CLDN14: variants seen among roughly 807,000 people sequenced by gnomAD.
CLDN14 encodes the protein claudin-14.
A neutral mutation model predicts 2.1 loss-of-function variants in CLDN14; 2 were observed. The ratio of observed to expected loss-of-function variants is 0.96; its 90% CI spans 0.39 to 3.01. The LOEUF (loss-of-function observed/expected upper bound fraction) is 3.01. Ranked by LOEUF, CLDN14 falls within the 30% of genes most tolerant of loss-of-function variation. CLDN14 has a pLI of 0.09. For synonymous variants in CLDN14, 136 were observed against 154.4 expected (o/e 0.88, Z 0.88); for missense variants, 298 against 328.0 (o/e 0.91, Z 0.71).
chr21:36,492,520 T>G (rs1454723267), intron 2 of CLDN14, among the ~76,000 whole-genome samples: 1 of 150,926 alleles, frequency 6.6e-6, no homozygotes, highest in African/African-American at 2.4e-5. Context: ...TCCCAGCTAC[T>G]TGGGAGGCTG....
chr21:36,513,131 C>T (rs1300531322), intron 1 of CLDN14, among the ~76,000 whole-genome samples: 3 of 152,172 alleles, frequency 2.0e-5, no homozygotes, highest in African/African-American at 7.2e-5. Context: ...ATGGTGGTCC[C>T]ATCCCATCCC....
chr21:36,544,259 G>T lies in CLDN14; in HGVS notation c.-220+32152C>A, dbSNP rs988274481. 4.6e-5 allele frequency among the ~76,000 whole-genome samples: 7 copies of T among 152,248 alleles called. No individual in the cohort carries two copies. Among genetic ancestry groups the T allele is most frequent in the Non-Finnish European group, 8.8e-5 (6 of 68,040 alleles). On this transcript the variant is annotated intron_variant, in intron 1 of 2. Transcript: ENST00000342108. This position sits in a 1 kb window ranked among gnomAD's most constrained non-coding sequence, Gnocchi z 4.1. The stretch of plus-strand genomic sequence containing the variant: ...GCCATCCATCCCTCTCCCTGAAAAA[G>T]GTGGTGGGAAGGACAATGGCCTTTT...
At chr21:36,501,026 C>G (rs906040684) in intron 2 of CLDN14, among the ~76,000 whole-genome samples, 1 of 152,240 alleles carries the variant, frequency 6.6e-6, no homozygotes, top group Non-Finnish European at 1.5e-5. Context: ...CCAGCTAACA[C>G]CCGGGGGGTG....
intron 1 of CLDN14, among the ~76,000 whole-genome samples, chr21:36,572,939 A>G (rs1406970805): frequency 1.3e-5 from 2 of 152,212 alleles, no homozygotes; most frequent in Non-Finnish European, 2.9e-5. Context: ...AATGTGATTT[A>G]CCAAATGACA....
Position 36,461,605 on chromosome 21 carries a change from G to C in CLDN14, c.91C>G (p.Arg31Gly). 1 of 1,605,466 alleles carries C rather than the reference G, an allele frequency of 6.2e-7. No individual in the cohort carries two copies. Among genetic ancestry groups the C allele is most frequent in the Non-Finnish European group, 8.5e-7 (1 of 1,176,464 alleles). Residue 31 changes from arginine (R) to glycine (G), a missense_variant, in exon 2 of 2, where the codon CGG becomes GGG. By Grantham distance (125) the Arg-to-Gly change is moderately radical. Coordinates refer to ENST00000399135, the MANE Select transcript of CLDN14 (RefSeq NM_001146079.2). ...TLITTILPHW[R>G]RTAHVGTNIL... ...TTGGTGCCCACGTGCGCTGTCCTCC[G>C]CCAGTGCGGCAGGATGGTGGTGATC... is the stretch of plus-strand genomic sequence containing the variant.
intron 1 of CLDN14, among the ~76,000 whole-genome samples, chr21:36,517,559 G>A (rs1487998161): frequency 1.3e-5 from 2 of 152,080 alleles, no homozygotes; most frequent in Non-Finnish European, 2.9e-5. Flanking sequence ...GTAGAGAAAC[G>A]TGTGGGCACA....
At position 36,551,879 on chromosome 21, in the gene CLDN14, C is replaced by T. The variant is rs12626381; in HGVS notation, c.-220+24532G>A. Among the ~76,000 whole-genome samples the T allele has an allele frequency of 0.055, 8,401 of 152,260 alleles. 246 individuals carry two copies. The highest frequency in any genetic ancestry group is 0.1 in the South Asian group (489 of 4,816). ...AGTGCAGCATGACCCAACAGCCCTG[C>T]TGCTCCCAGCCGCAGACAAGCCATC... On this transcript the variant is annotated intron_variant, in intron 1 of 2. Transcript: ENST00000342108. This position sits in a 1 kb window ranked among gnomAD's most constrained non-coding sequence, Gnocchi z 4.8.
chr21:36,553,362 A>G (rs75720394), intron 1 of CLDN14, among the ~76,000 whole-genome samples: 5,149 of 152,272 alleles, frequency 0.034, 281 homozygotes, highest in African/African-American at 0.12. Context: ...CCAGCTGCTC[A>G]GCAAGGCAGT....
intron 1 of CLDN14, among the ~76,000 whole-genome samples, chr21:36,530,135 T>A (rs896415131): frequency 1.3e-5 from 2 of 152,224 alleles, no homozygotes; most frequent in Non-Finnish European, 2.9e-5. Flanking sequence ...CTTTATTTTT[T>A]AAAAAAACAA....
At chr21:36,550,140 A>C (rs1362729630) in intron 1 of CLDN14, among the ~76,000 whole-genome samples, 1 of 152,172 alleles carries the variant, frequency 6.6e-6, no homozygotes. Flanking sequence ...GATTCTTTTC[A>C]AGATATTGTC....
intron 2 of CLDN14, among the ~76,000 whole-genome samples, chr21:36,495,449 G>A (rs956337052): frequency 6.6e-6 from 1 of 152,246 alleles, no homozygotes; most frequent in Non-Finnish European, 1.5e-5. Flanking sequence ...GTGGGATGAA[G>A]GCTTGGGACA....
chr21:36,478,326 G>A (rs1225934807), intron 1 of CLDN14, among the ~76,000 whole-genome samples: 1 of 152,158 alleles, frequency 6.6e-6, no homozygotes, highest in African/African-American at 2.4e-5. Flanking sequence ...GGGGGCTGGC[G>A]CTGGCTTCAA....
rs561979161 is a variant in CLDN14, at chr21:36,469,029, G to A, written c.-81-7253C>T. Among the ~76,000 whole-genome samples, 3 of 152,272 alleles carry A rather than the reference G, an allele frequency of 2.0e-5. No individual in the cohort carries two copies. The East Asian group carries it at 5.8e-4, about 29-fold the overall frequency. On this transcript the variant is annotated intron_variant, in intron 1 of 1. Transcript: ENST00000399135. ...CCCACCTCTGCCTCCCAAAGTGCTAGGATTACAGGTGTGAGCCACTGTGCC... is the reference window on the plus strand; with the variant it reads ...CCCACCTCTGCCTCCCAAAGTGCTAAGATTACAGGTGTGAGCCACTGTGCC...
intron 1 of CLDN14, among the ~76,000 whole-genome samples, chr21:36,552,729 GA>G (rs66807831): frequency 5.3e-5 from 8 of 151,214 alleles, no homozygotes; most frequent in Admixed American, 3.3e-4. Context: ...TCCTGAATTG[GA>G]AAAAAAAACT....
At chr21:36,541,641 T>G (rs149048202) in intron 1 of CLDN14, among the ~76,000 whole-genome samples, 1 of 152,360 alleles carries the variant, frequency 6.6e-6, no homozygotes, top group African/African-American at 2.4e-5. Flanking sequence ...ATAGTGGAAT[T>G]GTTATATTGT....
chr21:36,523,746 T>TAAA lies in CLDN14; in HGVS notation c.-219-13249_-219-13247dup, dbSNP rs775431075. ...CTGGGTGACAGAGTGAGACTCCATC[T>TAAA]AAAAAAAAAAAAAAAAGAAAGAAAG... On this transcript the variant is annotated intron_variant, in intron 1 of 2. Coordinates refer to the CLDN14 transcript ENST00000342108. Among the ~76,000 whole-genome samples, 17 of 42,954 alleles carry TAAA rather than the reference T, an allele frequency of 4.0e-4. 1 individual carries two copies. Among genetic ancestry groups the TAAA allele is most frequent in the African/African-American group, 1.3e-3 (13 of 10,078 alleles). The allele number at this position is 42,954 out of a possible 152,430, so 28.2% of individuals were successfully genotyped here.
chr21:36,563,415 A>C (rs572695789), intron 1 of CLDN14, among the ~76,000 whole-genome samples: 32 of 152,304 alleles, frequency 2.1e-4, no homozygotes, highest in Admixed American at 1.2e-3. Context: ...GGAGAAAAAA[A>C]AAAAGCAGGG....
rs140333712 is a variant in CLDN14, at chr21:36,479,710, C to T, written c.-297G>A. On this transcript the variant is annotated 5_prime_UTR_variant, in exon 1 of 2. Transcript: ENST00000399135. ...TTACAGTGTTCCTTAGAATGGCCTG[C>T]GTGGGCACACGTGCCACTTGGTTAG... 6.0e-3 allele frequency: 914 copies of T among 152,326 alleles called. 6 individuals are homozygous for T. Among genetic ancestry groups the T allele is most frequent in the Middle Eastern group, 0.017 (5 of 294 alleles). 9.4% of individuals were successfully genotyped at this position (152,326 alleles called of 1,614,324 possible).
At chr21:36,552,584 C>T (rs2146518199) in intron 1 of CLDN14, among the ~76,000 whole-genome samples, 1 of 152,318 alleles carries the variant, frequency 6.6e-6, no homozygotes, top group South Asian at 2.1e-4. Flanking sequence ...TGAATTAAGG[C>T]TCATAACTGA....
Sources: gnomAD v4.1 joint callset for allele counts (sites outside exome capture counted in the v4.1 genomes callset) on GRCh38, gnomAD v4.1.1 for gene constraint, Gnocchi (gnomAD v3.1) non-coding constraint, MANE v1.5 for transcripts, NCBI Gene and HGNC (gene_info 2026-07-23, HGNC 2026-07-21) for gene names.